The following SECISBP2L variants were observed in gnomAD, a reference collection of about 807,000 sequenced individuals.
SECISBP2L encodes SECIS binding protein 2 like, also known as selenocysteine insertion sequence-binding protein 2-like.
SECISBP2L carries 43 observed loss-of-function variants against 114.7 expected under a neutral mutation model. The observed-to-expected ratio is 0.38, with a 90% CI of 0.29 to 0.48. The LOEUF (loss-of-function observed/expected upper bound fraction) is 0.48, where lower values mean the gene tolerates loss of function less well. Ranked by LOEUF, SECISBP2L falls within the 20% of genes least tolerant of loss-of-function variation. SECISBP2L has a pLI of 0.98. For synonymous variants in SECISBP2L, 451 were observed against 439.7 expected, an observed-to-expected ratio of 1.03 and a Z score of -0.32; for missense variants, 1,136 against 1,301.1, an observed-to-expected ratio of 0.87 and a Z score of 1.95.
chr15:49,037,424 A>G, intron 2 of SECISBP2L, 167 bp downstream of exon 2: 1 of 552,728 alleles, frequency 1.8e-6, no homozygotes, highest in Non-Finnish European at 3.1e-6. Context: ...AGAAAAAATG[A>G]GAAACTAATC....
chr15:49,024,011 G>A (rs565552351), intron 7 of SECISBP2L, among the ~76,000 whole-genome samples: 6 of 152,036 alleles, frequency 3.9e-5, no homozygotes, highest in South Asian at 2.1e-4. Flanking sequence ...AAATAAAGCC[G>A]TTTTAAAAGA....
At chr15:49,032,065 G>A (rs1180663794) in intron 4 of SECISBP2L, among the ~76,000 whole-genome samples, 3 of 152,082 alleles carry the variant, frequency 2.0e-5, no homozygotes, top group African/African-American at 4.8e-5. Flanking sequence ...TCCTTTCTCT[G>A]CTCCTAATGG....
At chr15:49,022,178 C>T (rs1306317969) in intron 7 of SECISBP2L, among the ~76,000 whole-genome samples, 1 of 152,122 alleles carries the variant, frequency 6.6e-6, no homozygotes, top group South Asian at 2.1e-4. Flanking sequence ...AGTGCAGTGG[C>T]GCCATCATAG....
intron 8 of SECISBP2L, among the ~76,000 whole-genome samples, chr15:49,018,406 G>A (rs909995563): frequency 5.9e-5 from 9 of 151,940 alleles, no homozygotes; most frequent in Admixed American, 5.2e-4. Flanking sequence ...ACAGGGACCC[G>A]CCACCATGCC....
In SECISBP2L at chr15:49,027,403, T is replaced by C. The variant is rs371939958; in HGVS notation, c.997A>G (p.Arg333Gly). The change falls in exon 7 of 18, where the codon AGA becomes GGA. Residue 333 changes from arginine (R) to glycine (G), a missense_variant. Around this residue, in one of 2 missense-constraint regions of SECISBP2L, gnomAD observed 452 missense variants for 452.3 expected, o/e 1.00. Coordinates refer to ENST00000559471, the MANE Select transcript of SECISBP2L (RefSeq NM_001193489.2). ...PWMEKNQTFS[R>G]GGRQTEQRNN... ...CTTTGTTCAGTTTGCCTTCCACCTC[T>C]AGAAAATGTCTGATTTTTTTCCATC... is the stretch of plus-strand genomic sequence containing the variant. The C allele has an allele frequency of 2.8e-5, 45 of 1,611,224 alleles. No individual in the cohort carries two copies. The highest frequency in any genetic ancestry group is 7.7e-5 in the South Asian group (7 of 90,678).
chr15:49,028,830 G>A, intron 4 of SECISBP2L, 148 bp from the exon 5 acceptor site: 2 of 686,888 alleles, frequency 2.9e-6, no homozygotes, highest in Non-Finnish European at 4.9e-6. Context: ...TCATTAAAAG[G>A]TAAGATGTTC....
rs752268484 is a variant in SECISBP2L, at chr15:48,992,926, T to C, written c.2624A>G (p.Glu875Gly). 8.1e-6 allele frequency: 13 copies of C among 1,608,076 alleles called. No homozygotes were observed. The East Asian group carries it at 2.7e-4, about 33-fold the overall frequency. ...TTCCACCATGTTTCTCCAATTTGTT[T>C]CTACAAGTATCAAGCAGATTTTTTA... ...PISEVNEKEY[E>G]TNWRNMVETS... is the part of the protein sequence containing the mutation. The change falls in exon 18 of 18, where the codon GAA becomes GGA. Residue 875 changes from glutamate (E) to glycine (G), a missense_variant and splice_region_variant. By Grantham distance (98) the Glu-to-Gly change is moderately conservative (BLOSUM62 -2). Coordinates refer to ENST00000559471, the MANE Select transcript of SECISBP2L (RefSeq NM_001193489.2).
At chr15:48,993,027 A>G (rs1185671440) in intron 17 of SECISBP2L, 101 bp from the exon 18 acceptor site, 5 of 1,048,934 alleles carry the variant, frequency 4.8e-6, no homozygotes, top group Non-Finnish European at 6.9e-6. Flanking sequence ...AAATATATAA[A>G]TTTGTTGGCT....
chr15:49,033,804 T>C (rs1395377331), intron 3 of SECISBP2L, among the ~76,000 whole-genome samples: 1 of 152,202 alleles, frequency 6.6e-6, no homozygotes, highest in African/African-American at 2.4e-5. Flanking sequence ...TGTACTCCAG[T>C]CTGGCTGACA....
intron 14 of SECISBP2L, among the ~76,000 whole-genome samples, chr15:49,004,934 T>A (rs1215180858): frequency 6.6e-6 from 1 of 152,242 alleles, no homozygotes; most frequent in African/African-American, 2.4e-5. Flanking sequence ...GTTCTGTAGA[T>A]GTCTAACAGG....
At chr15:49,033,210 A>G in intron 3 of SECISBP2L, 110 bp from the exon 4 acceptor site, 1 of 1,277,220 alleles carries the variant, frequency 7.8e-7, no homozygotes, top group Admixed American at 2.7e-5. Flanking sequence ...TCTTAAGTGT[A>G]TGTTCACAAT....
At chr15:49,027,205 ATTAT>A (rs1203445773) in intron 7 of SECISBP2L, among the ~76,000 whole-genome samples, 156 bp downstream of exon 7, 2 of 152,210 alleles carry the variant, frequency 1.3e-5, no homozygotes, top group South Asian at 2.1e-4. Context: ...ATTTTGTTTC[ATTAT>A]TTAAGTAAGT....
intron 12 of SECISBP2L, 147 bp downstream of exon 12, chr15:49,012,501 C>T: frequency 1.3e-6 from 1 of 795,356 alleles, no homozygotes; most frequent in Non-Finnish European, 2.0e-6. Context: ...TCCTGAGCTT[C>T]AAATTAACAC....
intron 7 of SECISBP2L, among the ~76,000 whole-genome samples, chr15:49,021,039 C>A (rs1413175945): frequency 6.6e-6 from 1 of 152,054 alleles, no homozygotes; most frequent in South Asian, 2.1e-4. Flanking sequence ...GCCCACGAGA[C>A]GGTATTTGAA....
rs765866354 is a variant in SECISBP2L, at chr15:49,012,631, A to G, written c.1731+17T>C. 1 of 1,607,920 alleles carries G rather than the reference A, an allele frequency of 6.2e-7. No homozygotes were observed. Among genetic ancestry groups the G allele is most frequent in the East Asian group, 2.2e-5 (1 of 44,782 alleles). On this transcript the variant is annotated intron_variant, in intron 12 of 17. Transcript: ENST00000559471. ...ATTCATCCTATAAAATAAATATCCC[A>G]CCAGATTTTGGTTTACCTTTTTAAG...
chr15:49,000,785 T>A, intron 15 of SECISBP2L, 92 bp downstream of exon 15: 1 of 1,018,744 alleles, frequency 9.8e-7, no homozygotes, highest in African/African-American at 1.6e-5. Context: ...ATACCTAAAC[T>A]CTGATGAGAA....
chr15:49,000,487 A>G (rs963715062), intron 15 of SECISBP2L, among the ~76,000 whole-genome samples: 3 of 152,226 alleles, frequency 2.0e-5, no homozygotes, highest in Non-Finnish European at 2.9e-5. Context: ...GATGTAGTTC[A>G]AAGTACTTGT....
chr15:48,992,230 C>T lies in SECISBP2L; in HGVS notation c.*14G>A, dbSNP rs770485884. 55 of 1,578,542 alleles carry T rather than the reference C, an allele frequency of 3.5e-5. No homozygotes were observed. Among genetic ancestry groups the T allele is most frequent in the East Asian group, 4.5e-5 (2 of 44,442 alleles). On this transcript the variant is annotated 3_prime_UTR_variant, in exon 18 of 18. Transcript: ENST00000559471. ...CCTTCCACAGCTGGAGATAGAGAGC[C>T]GACATTTCCTGAGTTACGTAGTTTG...
rs748684591 is a variant in SECISBP2L at position 49,000,975 on chromosome 15, C to T, written c.2150G>A (p.Arg717Gln). 9 of 1,613,696 alleles carry T rather than the reference C, an allele frequency of 5.6e-6. No individual in the cohort carries two copies. The East Asian group carries it at 8.9e-5, about 16-fold the overall frequency. ...AACTTCTCTTAGACCCATAACGAGT[C>T]GTCTCCTTGCTTTTGCTCTTACAGG... is the stretch of plus-strand genomic sequence containing the variant. ...KDPVRAKARRRLVMGLREVTK... is the reference protein window; with the variant it reads ...KDPVRAKARRQLVMGLREVTK... The change falls in exon 15 of 18, where the codon CGA becomes CAA. Residue 717 changes from arginine (R) to glutamine (Q), a missense_variant. By Grantham distance (43) the Arg-to-Gln change is conservative. This residue lies in a region of SECISBP2L where 684 missense variants were observed against 848.7 expected (regional missense o/e 0.81). Coordinates refer to ENST00000559471, the MANE Select transcript of SECISBP2L (RefSeq NM_001193489.2).
Sources: allele counts gnomAD v4.1 joint callset (sites outside exome capture counted in the v4.1 genomes callset), GRCh38; gene constraint gnomAD v4.1.1; regional missense constraint gnomAD v4.1.1; transcripts MANE v1.5; gene names NCBI Gene and HGNC (gene_info 2026-07-23, HGNC 2026-07-21).